GLI2: variants seen among roughly 807,000 people sequenced by gnomAD.
The protein encoded by GLI2 is transcription activator GLI2.
Under a neutral mutation model 78.9 loss-of-function variants are expected in GLI2, and 22 were observed. The ratio of observed to expected loss-of-function variants is 0.28; its 90% confidence interval spans 0.20 to 0.40. The LOEUF is 0.40. Ranked by LOEUF, GLI2 falls within the 10% of genes least tolerant of loss-of-function variation. The pLI is 1.00. For synonymous variants in GLI2, 974 were observed against 963.7 expected (o/e 1.01, Z -0.20); for missense variants, 2,097 against 2,213.2 (o/e 0.95, Z 1.05).
chr2:120,821,409 C>T (rs900001492), intron 2 of GLI2, among the ~76,000 whole-genome samples: 7 of 152,142 alleles, frequency 4.6e-5, no homozygotes, highest in African/African-American at 7.2e-5. Context: ...ATAGCAGATC[C>T]GGCGGACATT....
At chr2:120,813,503 T>G (rs2123634) in intron 2 of GLI2, among the ~76,000 whole-genome samples, 64,007 of 152,036 alleles carry the variant, frequency 0.42, 14,293 homozygotes, top group South Asian at 0.52. Flanking sequence ...AAGCTCCAGG[T>G]GTCGATTGAA....
At chr2:120,928,129 C>T (rs1161298902) in intron 3 of GLI2, among the ~76,000 whole-genome samples, 2 of 152,084 alleles carry the variant, frequency 1.3e-5, no homozygotes, top group East Asian at 1.9e-4. Context: ...AAAGAAGGCC[C>T]CTCCTTCTCC....
chr2:120,823,548 G>C (rs1020435001), intron 2 of GLI2, among the ~76,000 whole-genome samples: 5 of 152,226 alleles, frequency 3.3e-5, no homozygotes, highest in African/African-American at 9.6e-5. Flanking sequence ...CATTCTTTCT[G>C]ATCTGCCCTC....
At chr2:120,880,810 G>A (rs1341586637) in intron 2 of GLI2, among the ~76,000 whole-genome samples, 6 of 152,184 alleles carry the variant, frequency 3.9e-5, no homozygotes, top group Non-Finnish European at 8.8e-5. Context: ...GTTGGTATGT[G>A]AGGTGAAAAT....
At chr2:120,986,952 T>C (rs913876623) in intron 13 of GLI2, among the ~76,000 whole-genome samples, 1 of 152,232 alleles carries the variant, frequency 6.6e-6, no homozygotes, top group Admixed American at 6.5e-5. Flanking sequence ...GCAAAGGCCC[T>C]AGGCAGGAGA....
At chr2:120,808,573 C>G (rs571757266) in intron 2 of GLI2, among the ~76,000 whole-genome samples, 1 of 152,186 alleles carries the variant, frequency 6.6e-6, no homozygotes, top group Admixed American at 6.5e-5. Context: ...TCGATGTCAG[C>G]GAGATCTTTG....
intron 4 of GLI2, among the ~76,000 whole-genome samples, chr2:120,952,707 C>T (rs560787806): frequency 7.2e-5 from 11 of 152,356 alleles, no homozygotes; most frequent in Admixed American, 1.3e-4. Flanking sequence ...CTGAACTCTG[C>T]GTGCGTCCCC....
chr2:120,839,153 T>C (rs1686749184), intron 2 of GLI2, among the ~76,000 whole-genome samples: 1 of 152,190 alleles, frequency 6.6e-6, no homozygotes, highest in Non-Finnish European at 1.5e-5. Context: ...TTTCCAATAT[T>C]CAAATATTTG....
intron 2 of GLI2, among the ~76,000 whole-genome samples, chr2:120,916,806 A>G (rs1285922245): frequency 5.3e-5 from 8 of 152,288 alleles, no homozygotes; most frequent in South Asian, 2.1e-4. Context: ...GCCAGGCTTG[A>G]TGGGGCCCAA....
intron 2 of GLI2, among the ~76,000 whole-genome samples, chr2:120,867,627 C>T (rs1011373481): frequency 3.9e-5 from 6 of 152,206 alleles, no homozygotes; most frequent in African/African-American, 1.4e-4. Flanking sequence ...GCAGCTTTTC[C>T]GGAGACGCTC....
chr2:120,967,712 G>GA (rs1022129313), intron 5 of GLI2, among the ~76,000 whole-genome samples: 2 of 152,266 alleles, frequency 1.3e-5, no homozygotes, highest in African/African-American at 2.4e-5. Flanking sequence ...ATGCATGGGT[G>GA]ATGTGTGCAC....
chr2:120,805,580 A>G (rs1217607161), intron 2 of GLI2, among the ~76,000 whole-genome samples: 2 of 152,240 alleles, frequency 1.3e-5, no homozygotes, highest in Non-Finnish European at 2.9e-5. Flanking sequence ...CATTCATTTT[A>G]CAGATGTGGA....
intron 1 of GLI2, among the ~76,000 whole-genome samples, chr2:120,767,815 C>G (rs1022230526): frequency 2.0e-5 from 3 of 152,238 alleles, no homozygotes; most frequent in African/African-American, 7.2e-5. Flanking sequence ...CCTGTCTGTG[C>G]CTCTTGTCTT....
chr2:120,764,975 A>T (rs539326801), intron 1 of GLI2, among the ~76,000 whole-genome samples: 17 of 152,216 alleles, frequency 1.1e-4, no homozygotes, highest in Admixed American at 2.6e-4. Context: ...TTCACCGTCC[A>T]TTCATGCAGT....
chr2:120,868,505 T>C (rs574296288), intron 2 of GLI2, among the ~76,000 whole-genome samples: 1 of 152,336 alleles, frequency 6.6e-6, no homozygotes, highest in East Asian at 1.9e-4. Context: ...GAGGACTTTT[T>C]CCAGTGGGAG....
At position 120,990,726 on chromosome 2, in the gene GLI2, G is replaced by A. The variant is rs774341082; in HGVS notation, c.*51G>A. On this transcript the variant is annotated 3_prime_UTR_variant, in exon 14 of 14. Transcript: ENST00000361492. ...CACCCGGAGGGGTCATCGCTGCCCAGAGCCTGGGGATTCCAGCTGTCTTGT... is the reference window on the plus strand; with the variant it reads ...CACCCGGAGGGGTCATCGCTGCCCAAAGCCTGGGGATTCCAGCTGTCTTGT... 1 of 1,464,388 alleles carries A rather than the reference G, an allele frequency of 6.8e-7. No homozygotes were observed. Among genetic ancestry groups the A allele is most frequent in the Non-Finnish European group, 9.4e-7 (1 of 1,067,962 alleles). 90.7% of individuals were successfully genotyped at this position (1,464,388 alleles called of 1,614,324 possible).
intron 2 of GLI2, among the ~76,000 whole-genome samples, chr2:120,845,145 C>A (rs934470652): frequency 5.9e-5 from 9 of 152,034 alleles, no homozygotes; most frequent in African/African-American, 1.4e-4. Flanking sequence ...TGGTGGTGCA[C>A]GCCTGTAATC....
Position 120,982,614 on chromosome 2 carries a change from C to T in GLI2, c.1468-102C>T, listed in dbSNP as rs1968619. ...AAATGCATGCTTCTGAGTGCGCTGA[C>T]GGGTTGGAGCAGAGCAGAGAAGGGG... On this transcript the variant is annotated intron_variant, in intron 10 of 13. Coordinates refer to ENST00000361492, the MANE Select transcript of GLI2 (RefSeq NM_001374353.1). The T allele has an allele frequency of 0.98, 896,317 of 912,096 alleles. 441,956 individuals are homozygous for T. Among genetic ancestry groups the T allele is most frequent in the East Asian group, 1 (40,358 of 40,358 alleles). 56.5% of individuals were successfully genotyped at this position (912,096 alleles called of 1,614,324 possible).
chr2:120,937,608 G>T (rs934098357), intron 3 of GLI2, among the ~76,000 whole-genome samples: 2 of 152,172 alleles, frequency 1.3e-5, no homozygotes, highest in African/African-American at 4.8e-5. Flanking sequence ...ACCCACTGGG[G>T]GCCCTACCAC....
Sources: allele counts gnomAD v4.1 joint callset (sites outside exome capture counted in the v4.1 genomes callset), GRCh38; gene constraint gnomAD v4.1.1; transcripts MANE v1.5; gene names NCBI Gene and HGNC (gene_info 2026-07-23, HGNC 2026-07-21).